TAFA4: variants seen among roughly 807,000 people sequenced by gnomAD.
TAFA4 encodes TAFA chemokine like family member 4, also known as chemokine-like protein TAFA-4.
A neutral mutation model predicts 21.1 loss-of-function variants in TAFA4; 20 were observed. That is an observed-to-expected ratio of 0.95 (90% CI 0.67 to 1.38). The LOEUF (loss-of-function observed/expected upper bound fraction) is 1.38. TAFA4 is among the 40% of genes most tolerant of loss of function. The pLI is 0.00. For missense variants in TAFA4, 211 were observed against 180.9 expected, an observed-to-expected ratio of 1.17 and a Z score of -0.95; for synonymous variants, 71 against 67.4, an observed-to-expected ratio of 1.05 and a Z score of -0.26.
At chr3:68,840,578 C>G (rs1704637632) in intron 3 of TAFA4, among the ~76,000 whole-genome samples, 1 of 152,148 alleles carries the variant, frequency 6.6e-6, no homozygotes, top group African/African-American at 2.4e-5. Context: ...TTAAGAAATA[C>G]AAACACGTGC....
At chr3:68,895,776 T>A (rs191029218) in intron 1 of TAFA4, among the ~76,000 whole-genome samples, 299 of 152,276 alleles carry the variant, frequency 2.0e-3, no homozygotes, top group African/African-American at 6.8e-3. Flanking sequence ...ATCCCCAGTG[T>A]CCTGGAGCTT....
At chr3:68,902,075 A>AT (rs1412433001) in intron 1 of TAFA4, among the ~76,000 whole-genome samples, 13 of 152,200 alleles carry the variant, frequency 8.5e-5, no homozygotes, top group African/African-American at 3.1e-4. Context: ...TGCTGTAAGA[A>AT]TTTTCAATGC....
At chr3:68,916,734 G>A (rs1241106702) in intron 1 of TAFA4, among the ~76,000 whole-genome samples, 1 of 152,176 alleles carries the variant, frequency 6.6e-6, no homozygotes, top group Non-Finnish European at 1.5e-5. Flanking sequence ...CTGTCTTTCT[G>A]TTCTGCCTTT....
intron 2 of TAFA4, among the ~76,000 whole-genome samples, chr3:68,883,743 G>GT (rs2089641893): frequency 6.6e-6 from 1 of 152,024 alleles, no homozygotes; most frequent in African/African-American, 2.4e-5. Context: ...AACCAGCAAC[G>GT]TATGGGACTT....
At chr3:68,887,399 A>G (rs2089683931) in intron 1 of TAFA4, among the ~76,000 whole-genome samples, 2 of 151,958 alleles carry the variant, frequency 1.3e-5, no homozygotes, top group South Asian at 2.1e-4. Context: ...TTGGAGTCCT[A>G]TGCCTGCAGC....
chr3:68,890,203 C>T (rs1003286696), intron 1 of TAFA4, among the ~76,000 whole-genome samples: 17 of 152,012 alleles, frequency 1.1e-4, no homozygotes, highest in African/African-American at 3.1e-4. Flanking sequence ...ATAGAGGGAA[C>T]GAAGAAGAGA....
intron 3 of TAFA4, among the ~76,000 whole-genome samples, chr3:68,765,793 G>A (rs1420762403): frequency 6.6e-6 from 1 of 152,112 alleles, no homozygotes; most frequent in Non-Finnish European, 1.5e-5. Context: ...GAAAGCAGGT[G>A]GATTAGGAGT....
rs570065037 is a variant in TAFA4, at chr3:68,839,768, G to T, written c.130+40962C>A. Among the ~76,000 whole-genome samples the T allele has an allele frequency of 2.6e-5, 4 of 152,278 alleles. No individual in the cohort carries two copies. The East Asian group carries it at 7.7e-4, about 29-fold the overall frequency. ...AAGTTTGTTGCAAAGGAGGTGCTGG[G>T]TCTCTGAGGATACAGCTAAAGGGGA... On this transcript the variant is annotated intron_variant, in intron 3 of 5. Coordinates refer to ENST00000295569, the MANE Select transcript of TAFA4 (RefSeq NM_182522.5).
chr3:68,924,527 C>G (rs1410948795), intron 1 of TAFA4, among the ~76,000 whole-genome samples: 1 of 152,074 alleles, frequency 6.6e-6, no homozygotes, highest in African/African-American at 2.4e-5. Flanking sequence ...AGTTTTGCAC[C>G]ACGAAAAAGG....
At chr3:68,865,877 A>G (rs1377080136) in intron 3 of TAFA4, among the ~76,000 whole-genome samples, 2 of 152,134 alleles carry the variant, frequency 1.3e-5, no homozygotes, top group African/African-American at 4.8e-5. Context: ...AGATGGTAAG[A>G]GAAATGGACT....
chr3:68,864,141 T>C (rs1050308590), intron 3 of TAFA4, among the ~76,000 whole-genome samples: 2 of 152,046 alleles, frequency 1.3e-5, no homozygotes, highest in African/African-American at 2.4e-5. Context: ...TCAAAAAACA[T>C]TGTTAAGAGA....
At chr3:68,915,685 G>A (rs933614596) in intron 1 of TAFA4, among the ~76,000 whole-genome samples, 13 of 152,150 alleles carry the variant, frequency 8.5e-5, no homozygotes, top group Non-Finnish European at 1.6e-4. Flanking sequence ...AATTAGAACA[G>A]GGAGGTGACT....
chr3:68,819,274 T>TAAAAAAA (rs59090610), intron 3 of TAFA4, among the ~76,000 whole-genome samples: 2 of 109,346 alleles, frequency 1.8e-5, no homozygotes, highest in African/African-American at 3.3e-5. Context: ...TGTCTTTAAT[T>TAAAAAAA]AAAAAAAAAA....
At chr3:68,845,033 T>A (rs776556812) in intron 3 of TAFA4, among the ~76,000 whole-genome samples, 8 of 152,192 alleles carry the variant, frequency 5.3e-5, no homozygotes, top group South Asian at 2.1e-4. Flanking sequence ...ATCTACTAGG[T>A]CCGCTTGGTC....
At chr3:68,900,239 C>CA (rs2089830986) in intron 1 of TAFA4, among the ~76,000 whole-genome samples, 2 of 114,660 alleles carry the variant, frequency 1.7e-5, no homozygotes, top group African/African-American at 3.0e-5. Flanking sequence ...GAGACTCTCT[C>CA]TTAATAATAA....
chr3:68,734,675 G>A (rs1423425790), intron 5 of TAFA4, among the ~76,000 whole-genome samples: 1 of 152,006 alleles, frequency 6.6e-6, no homozygotes, highest in African/African-American at 2.4e-5. Flanking sequence ...TCTGTGATGG[G>A]GTAGAGATTG....
chr3:68,928,351 T>A (rs2090128641), intron 1 of TAFA4, among the ~76,000 whole-genome samples: 1 of 152,202 alleles, frequency 6.6e-6, no homozygotes, highest in Admixed American at 6.5e-5. Context: ...AATAATGTTG[T>A]ACCAAATTAT....
chr3:68,837,084 G>A (rs1236743406), intron 3 of TAFA4, among the ~76,000 whole-genome samples: 3 of 152,172 alleles, frequency 2.0e-5, no homozygotes, highest in Non-Finnish European at 2.9e-5. Flanking sequence ...TATCATCTGC[G>A]GCTGCTTTCG....
intron 3 of TAFA4, among the ~76,000 whole-genome samples, chr3:68,817,996 A>T (rs1396024772): frequency 6.6e-6 from 1 of 152,158 alleles, no homozygotes; most frequent in South Asian, 2.1e-4. Flanking sequence ...CCTAGCAGTG[A>T]CTACTTTCTA....
Sources: gnomAD v4.1 joint callset for allele counts (sites outside exome capture counted in the v4.1 genomes callset) on GRCh38, gnomAD v4.1.1 for gene constraint, MANE v1.5 for transcripts, NCBI Gene and HGNC (gene_info 2026-07-23, HGNC 2026-07-21) for gene names.